Variants in PDE10A observed in about 807,000 individuals in gnomAD.
PDE10A encodes cAMP and cAMP-inhibited cGMP 3',5'-cyclic phosphodiesterase 10A.
A neutral mutation model predicts 97.7 loss-of-function variants in PDE10A; 39 were observed. The observed-to-expected ratio is 0.40, with a 90% CI of 0.31 to 0.52. The LOEUF (loss-of-function observed/expected upper bound fraction) is 0.52, where lower values mean the gene tolerates loss of function less well. Among genes scored for constraint, PDE10A ranks in the 20% least tolerant of loss-of-function variants. The pLI, the probability that PDE10A is intolerant of heterozygous loss-of-function variation, is 0.56. For missense variants in PDE10A, 731 were observed against 1,047.8 expected (o/e 0.70, Z 4.17); for synonymous variants, 371 against 376.8 (o/e 0.98, Z 0.18).
At chr6:165,608,856 T>C (rs952827630) in intron 1 of PDE10A, among the ~76,000 whole-genome samples, 1 of 152,232 alleles carries the variant, frequency 6.6e-6, no homozygotes, top group African/African-American at 2.4e-5. Context: ...ATTTCTCTGA[T>C]AGCCAGTGAT....
intron 17 of PDE10A, among the ~76,000 whole-genome samples, chr6:165,384,671 T>TGGG (rs112501379): frequency 4.2e-5 from 2 of 47,062 alleles, no homozygotes; most frequent in Non-Finnish European, 3.9e-5. Context: ...TGTGTGTGTA[T>TGGG]GGGGGGGGGC....
chr6:165,765,277 A>G (rs941233066), intron 1 of PDE10A, among the ~76,000 whole-genome samples: 1 of 152,362 alleles, frequency 6.6e-6, no homozygotes, highest in Non-Finnish European at 1.5e-5. Context: ...GTCCCACGCC[A>G]TGCGCTCTCA....
At chr6:165,419,652 C>A (rs1190969606) in intron 10 of PDE10A, among the ~76,000 whole-genome samples, 1 of 152,146 alleles carries the variant, frequency 6.6e-6, no homozygotes, top group Non-Finnish European at 1.5e-5. Context: ...GTCTTCAATG[C>A]CTAACATATC....
At chr6:165,586,247 G>C (rs1785905042) in intron 1 of PDE10A, among the ~76,000 whole-genome samples, 1 of 152,152 alleles carries the variant, frequency 6.6e-6, no homozygotes, top group Admixed American at 6.5e-5. Context: ...ATTATATTTT[G>C]TGCCTCAACT....
chr6:165,826,774 T>TG (rs1057417759), intron 1 of PDE10A, among the ~76,000 whole-genome samples: 1 of 52,090 alleles, frequency 1.9e-5, no homozygotes, highest in Non-Finnish European at 4.1e-5. Flanking sequence ...GATGTGCGGT[T>TG]GGGAGGGGGG....
rs114490364 is a variant in PDE10A, at chr6:165,601,188, G to A, written c.866-57620C>T. Among the ~76,000 whole-genome samples the A allele has an allele frequency of 8.3e-3, 1,271 of 152,236 alleles. 23 individuals carry two copies. The highest frequency in any genetic ancestry group is 0.029 in the African/African-American group (1,212 of 41,550). Reference sequence around the variant, plus strand: ...CTTCTTCCTCATTTTTCCTTTTGCTGCCACCATGTAAGAAGTGTCTTTCAC... The same window carrying A: ...CTTCTTCCTCATTTTTCCTTTTGCTACCACCATGTAAGAAGTGTCTTTCAC... On this transcript the variant is annotated intron_variant, in intron 1 of 21. Coordinates refer to ENST00000539869, the MANE Select transcript of PDE10A (RefSeq NM_001385079.1).
At chr6:165,410,808 G>C (rs1787692712) in intron 13 of PDE10A, among the ~76,000 whole-genome samples, 1 of 151,600 alleles carries the variant, frequency 6.6e-6, no homozygotes, top group Non-Finnish European at 1.5e-5. Flanking sequence ...AATATCCTTG[G>C]CCGGGCGCGG....
chr6:165,520,908 G>C (rs1431193191), intron 2 of PDE10A, among the ~76,000 whole-genome samples: 1 of 152,052 alleles, frequency 6.6e-6, no homozygotes, highest in South Asian at 2.1e-4. Context: ...TCAGGCTCTG[G>C]GAAGAGCCCT....
rs1788485968 is a variant in PDE10A, at chr6:165,418,655, G to A, written c.1776C>T (p.Phe592=). ...TGTACCTTATCTCTTTGGTCTTCTT[G>A]AAGACAGGTTTTCCTTCCTTTTCCT... ...IGEEKEGKPV[F]KKTKEIRFSI... Residue 592 remains phenylalanine (F), a synonymous_variant, in exon 11 of 22, where the codon TTC becomes TTT. Transcript: ENST00000539869. This position sits in a 1 kb window ranked among gnomAD's most constrained non-coding sequence, Gnocchi z 4.8. 1 of 1,613,170 alleles carries A rather than the reference G, an allele frequency of 6.2e-7. No homozygotes were observed. Among genetic ancestry groups the A allele is most frequent in the Admixed American group, 1.7e-5 (1 of 60,016 alleles).
chr6:165,721,584 G>T (rs532332779), intron 1 of PDE10A, among the ~76,000 whole-genome samples: 1 of 152,298 alleles, frequency 6.6e-6, no homozygotes, highest in African/African-American at 2.4e-5. Flanking sequence ...AAAGGCAATT[G>T]AATCCAGATG....
chr6:165,800,178 T>A (rs1375187781), intron 1 of PDE10A, among the ~76,000 whole-genome samples: 1 of 152,066 alleles, frequency 6.6e-6, no homozygotes, highest in Non-Finnish European at 1.5e-5. Context: ...CTCATGCAAT[T>A]CCCCAAGCAA....
At chr6:165,532,023 C>CT (rs1782809607) in intron 2 of PDE10A, among the ~76,000 whole-genome samples, 1 of 152,060 alleles carries the variant, frequency 6.6e-6, no homozygotes, top group African/African-American at 2.4e-5. Context: ...AACCCAAAAA[C>CT]TTTTTTAAAA....
intron 1 of PDE10A, among the ~76,000 whole-genome samples, chr6:165,734,274 G>A (rs531190328): frequency 3.9e-5 from 6 of 152,200 alleles, no homozygotes; most frequent in South Asian, 2.1e-4. Context: ...GAGGTGACAC[G>A]CCTGGGCCAC....
intron 8 of PDE10A, among the ~76,000 whole-genome samples, chr6:165,430,762 C>T (rs1180222175): frequency 3.9e-5 from 6 of 152,082 alleles, no homozygotes; most frequent in Non-Finnish European, 7.4e-5. Context: ...CCTGATAATT[C>T]GAGTCCTTTC....
chr6:165,411,383 A>T (rs1472418595), intron 13 of PDE10A, among the ~76,000 whole-genome samples: 1 of 152,182 alleles, frequency 6.6e-6, no homozygotes. Flanking sequence ...TCCTAATCTC[A>T]TATGACTAGT....
intron 1 of PDE10A, among the ~76,000 whole-genome samples, chr6:165,609,723 CAGAG>C (rs759446461): frequency 2.0e-4 from 30 of 152,286 alleles, no homozygotes; most frequent in Non-Finnish European, 3.1e-4. Flanking sequence ...AACAGACAAA[CAGAG>C]AGCCAAATCA....
chr6:165,501,039 C>G (rs1326119830), intron 2 of PDE10A, among the ~76,000 whole-genome samples: 1 of 152,156 alleles, frequency 6.6e-6, no homozygotes, highest in Non-Finnish European at 1.5e-5. Context: ...CCACATCCCC[C>G]TCTCCGAGAT....
intron 13 of PDE10A, among the ~76,000 whole-genome samples, chr6:165,406,495 C>T (rs1411638442): frequency 1.3e-5 from 2 of 152,106 alleles, no homozygotes; most frequent in Admixed American, 6.5e-5. Context: ...CGATTCCAAA[C>T]TCTTTCATGA....
chr6:165,640,168 CTTAA>C (rs1277524527), intron 1 of PDE10A, among the ~76,000 whole-genome samples: 1 of 151,914 alleles, frequency 6.6e-6, no homozygotes, highest in African/African-American at 2.4e-5. Flanking sequence ...GAAATGCAGA[CTTAA>C]TTAATGTGAA....
Sources: gnomAD v4.1 joint callset for allele counts (sites outside exome capture counted in the v4.1 genomes callset) on GRCh38, gnomAD v4.1.1 for gene constraint, Gnocchi (gnomAD v3.1) non-coding constraint, MANE v1.5 for transcripts, NCBI Gene and HGNC (gene_info 2026-07-23, HGNC 2026-07-21) for gene names.